SHISA9: variants seen among roughly 807,000 people sequenced by gnomAD.
SHISA9 encodes shisa family member 9, also known as protein shisa-9.
SHISA9 carries 13 observed loss-of-function variants against 38.0 expected under a neutral mutation model. The ratio of observed to expected loss-of-function variants is 0.34; its 90% confidence interval spans 0.22 to 0.54. The LOEUF is 0.54. SHISA9 is among the 20% of genes least tolerant of loss of function. The probability of loss-of-function intolerance (pLI) is 0.91; values close to 1 mark genes in which losing one functional copy is unlikely to be tolerated. For missense variants in SHISA9, 538 were observed against 575.8 expected, an observed-to-expected ratio of 0.93 and a Z score of 0.67; for synonymous variants, 275 against 242.0, an observed-to-expected ratio of 1.14 and a Z score of -1.27.
intron 1 of SHISA9, among the ~76,000 whole-genome samples, chr16:12,914,164 G>A (rs1286616711): frequency 6.7e-6 from 1 of 150,292 alleles, no homozygotes; most frequent in Non-Finnish European, 1.5e-5. Context: ...TCCTGCCTCA[G>A]CCTCCCGAGT....
rs1430533809 is a variant in SHISA9 at position 13,049,153 on chromosome 16, AGTATGT to A, written c.691+132341_691+132346del. The stretch of plus-strand genomic sequence containing the variant: ...GCTGCCATTCTAAGCTTTGGTTAGG[AGTATGT>A]GTGTGTGTGTGTGTGTGTGTGTGTG... On this transcript the variant is annotated intron_variant, in intron 2 of 4. Transcript: ENST00000558583. 5.6e-3 allele frequency among the ~76,000 whole-genome samples: 770 copies of A among 138,466 alleles called. 4 individuals are homozygous for A. Among genetic ancestry groups the A allele is most frequent in the Middle Eastern group, 0.012 (3 of 260 alleles). The allele number at this position is 138,466 out of a possible 152,430, so 90.8% of individuals were successfully genotyped here.
chr16:13,364,343 G>A, the SHISA9 span, among the ~76,000 whole-genome samples: 6 of 152,208 alleles, frequency 3.9e-5, no homozygotes, highest in African/African-American at 9.6e-5. Context: ...TGCTGAAGAC[G>A]TTGAATCATA....
the SHISA9 span, among the ~76,000 whole-genome samples, chr16:13,419,573 G>T: frequency 6.6e-6 from 1 of 152,156 alleles, no homozygotes; most frequent in Non-Finnish European, 1.5e-5. Context: ...GTCTAGATGT[G>T]GTTATAAGAG....
At chr16:13,362,097 C>T in the SHISA9 span, among the ~76,000 whole-genome samples, 1 of 151,758 alleles carries the variant, frequency 6.6e-6, no homozygotes, top group African/African-American at 2.4e-5. Context: ...GCTGCAGTGG[C>T]TCATGCCTAT....
chr16:13,084,442 A>G (rs1181513862), intron 2 of SHISA9, among the ~76,000 whole-genome samples: 1 of 152,208 alleles, frequency 6.6e-6, no homozygotes, highest in African/African-American at 2.4e-5. Context: ...CTTGTGGGAA[A>G]ATGCAGTGAG....
chr16:13,377,204 C>A, the SHISA9 span, among the ~76,000 whole-genome samples: 1 of 152,136 alleles, frequency 6.6e-6, no homozygotes, highest in Non-Finnish European at 1.5e-5. Context: ...TCATGGACCA[C>A]AATAGCAGCC....
chr16:13,250,196 G>C, the SHISA9 span, among the ~76,000 whole-genome samples: 7 of 152,304 alleles, frequency 4.6e-5, no homozygotes, highest in East Asian at 7.7e-4. Flanking sequence ...TAAAGTTCTG[G>C]GGAATTCAAC....
chr16:13,478,276 A>G, the SHISA9 span, among the ~76,000 whole-genome samples: 2 of 151,676 alleles, frequency 1.3e-5, no homozygotes, highest in East Asian at 3.9e-4. Context: ...ATTGTCTCCA[A>G]AGCTCACCTC....
At position 13,203,716 on chromosome 16, in the gene SHISA9, T is replaced by C. The variant is rs531300556; in HGVS notation, c.847+167T>C. The stretch of plus-strand genomic sequence containing the variant: ...CTATCTCATTTTTGTTCTCTCTCTG[T>C]CTATAAATATGTATATCTATATATC... On this transcript the variant is annotated intron_variant, in intron 3 of 4. Coordinates refer to ENST00000558583, the MANE Select transcript of SHISA9 (RefSeq NM_001145204.3). Among the ~76,000 whole-genome samples the C allele has an allele frequency of 5.9e-5, 9 of 152,326 alleles. No homozygotes were observed. In the East Asian group the frequency reaches 1.7e-3, roughly 29 times the overall value.
At chr16:13,061,950 A>G (rs2073381515) in intron 2 of SHISA9, among the ~76,000 whole-genome samples, 1 of 152,172 alleles carries the variant, frequency 6.6e-6, no homozygotes, top group Non-Finnish European at 1.5e-5. Context: ...GACGGAGCTC[A>G]ATGCGCCAGA....
the SHISA9 span, among the ~76,000 whole-genome samples, chr16:13,278,249 C>A: frequency 6.6e-6 from 1 of 152,194 alleles, no homozygotes; most frequent in East Asian, 1.9e-4. Context: ...ACTATCCCTG[C>A]ATCCCTAGCA....
intron 2 of SHISA9, among the ~76,000 whole-genome samples, chr16:13,105,682 G>C (rs547109755): frequency 6.6e-6 from 1 of 152,284 alleles, no homozygotes; most frequent in Admixed American, 6.5e-5. Flanking sequence ...GTTTCATTTT[G>C]GGCATGGCAG....
At chr16:13,199,921 G>A (rs192522348) in intron 2 of SHISA9, among the ~76,000 whole-genome samples, 13 of 152,296 alleles carry the variant, frequency 8.5e-5, no homozygotes, top group African/African-American at 2.9e-4. Context: ...ATCCCTGAGC[G>A]AGGGTATCTC....
chr16:13,485,499 A>T, the SHISA9 span, among the ~76,000 whole-genome samples: 1 of 152,134 alleles, frequency 6.6e-6, no homozygotes, highest in Non-Finnish European at 1.5e-5. Context: ...TTTTATTGAT[A>T]TATAACAATT....
the SHISA9 span, among the ~76,000 whole-genome samples, chr16:13,463,747 T>C: frequency 6.6e-6 from 1 of 152,304 alleles, no homozygotes; most frequent in East Asian, 1.9e-4. Context: ...TCAGGAAATA[T>C]CGAGCAAATG....
At chr16:13,253,863 A>G in the SHISA9 span, among the ~76,000 whole-genome samples, 2 of 152,196 alleles carry the variant, frequency 1.3e-5, no homozygotes, top group Non-Finnish European at 2.9e-5. Flanking sequence ...TTTAACATTC[A>G]CCAAGATTAG....
chr16:13,449,922 C>G, the SHISA9 span, among the ~76,000 whole-genome samples: 1 of 152,106 alleles, frequency 6.6e-6, no homozygotes, highest in Non-Finnish European at 1.5e-5. Context: ...TGAGACCATC[C>G]TGGCTAACAT....
the SHISA9 span, among the ~76,000 whole-genome samples, chr16:13,371,104 TTTAA>T: frequency 1.3e-5 from 2 of 152,298 alleles, no homozygotes; most frequent in Admixed American, 1.3e-4. Flanking sequence ...ACGTGGTAGA[TTTAA>T]TTAATCCCCA....
chr16:13,142,332 A>G (rs1238884888), intron 2 of SHISA9, among the ~76,000 whole-genome samples: 2 of 152,156 alleles, frequency 1.3e-5, no homozygotes, highest in African/African-American at 4.8e-5. Context: ...TTCTGTAGCT[A>G]TTCAGTTTGA....
Sources: allele counts gnomAD v4.1 joint callset (sites outside exome capture counted in the v4.1 genomes callset), GRCh38; gene constraint gnomAD v4.1.1; transcripts MANE v1.5; gene names NCBI Gene and HGNC (gene_info 2026-07-23, HGNC 2026-07-21).